Variants in MTCL1 observed in about 807,000 individuals in gnomAD.
MTCL1 encodes microtubule cross-linking factor 1.
Under a neutral mutation model 141.4 loss-of-function variants are expected in MTCL1, and 79 were observed. The observed-to-expected ratio is 0.56, with a 90% CI of 0.47 to 0.67. The LOEUF is 0.67. MTCL1 is among the 30% of genes least tolerant of loss of function. The probability of loss-of-function intolerance (pLI) is 0.00; values close to 1 mark genes in which losing one functional copy is unlikely to be tolerated. For synonymous variants in MTCL1, 914 were observed against 875.8 expected, an observed-to-expected ratio of 1.04 and a Z score of -0.77; for missense variants, 2,177 against 2,113.9, an observed-to-expected ratio of 1.03 and a Z score of -0.59.
chr18:8,801,429 CT>C (rs777802521), intron 10 of MTCL1, among the ~76,000 whole-genome samples: 1 of 152,070 alleles, frequency 6.6e-6, no homozygotes, highest in East Asian at 1.9e-4. Flanking sequence ...GAGGCCTCCC[CT>C]ATAAGGCGTG....
At chr18:8,788,422 A>C (rs2075597976) in intron 7 of MTCL1, among the ~76,000 whole-genome samples, 1 of 152,200 alleles carries the variant, frequency 6.6e-6, no homozygotes, top group Admixed American at 6.5e-5. Context: ...TCCAAATTTA[A>C]GCAGAAAAAG....
intron 7 of MTCL1, among the ~76,000 whole-genome samples, chr18:8,792,641 C>T (rs1250447488): frequency 1.4e-4 from 22 of 152,224 alleles, no homozygotes; most frequent in African/African-American, 1.7e-4. Flanking sequence ...CGGTCATAGT[C>T]GGCTCTGACC....
intron 4 of MTCL1, among the ~76,000 whole-genome samples, chr18:8,775,679 C>T (rs1259631359): frequency 1.3e-5 from 2 of 152,136 alleles, no homozygotes; most frequent in African/African-American, 4.8e-5. Context: ...TTAAGACAGG[C>T]TTACCTTTAC....
At chr18:8,725,603 G>A (rs9964461) in intron 4 of MTCL1, among the ~76,000 whole-genome samples, 61,819 of 151,804 alleles carry the variant, frequency 0.41, 13,491 homozygotes, top group Admixed American at 0.54. Context: ...TTATAAGATT[G>A]ATTTATAGTT....
In MTCL1 at chr18:8,785,296, GGT is replaced by G. The variant is rs531553413; in HGVS notation, c.1731+458_1731+459del. Among the ~76,000 whole-genome samples, 24 of 152,292 alleles carry G rather than the reference GGT, an allele frequency of 1.6e-4. No individual in the cohort carries two copies. The South Asian group carries it at 3.7e-3, about 24-fold the overall frequency. ...TCGCTAACGAGCACGTCCCTTCCTGGGTGTGTTTCAAGGGACACAGTGCAGTC... is the reference window on the plus strand; with the variant it reads ...TCGCTAACGAGCACGTCCCTTCCTGGGTGTTTCAAGGGACACAGTGCAGTC... On this transcript the variant is annotated intron_variant, in intron 6 of 16. Coordinates refer to ENST00000359865, the Ensembl canonical transcript of MTCL1.
At chr18:8,763,049 C>T (rs2096440988) in intron 4 of MTCL1, among the ~76,000 whole-genome samples, 1 of 152,160 alleles carries the variant, frequency 6.6e-6, no homozygotes, top group Non-Finnish European at 1.5e-5. Context: ...GCTGAAATGA[C>T]CTGCCAGCTG....
At chr18:8,787,165 G>A (rs1019844000) in intron 7 of MTCL1, 2 of 152,282 alleles carry the variant, frequency 1.3e-5, no homozygotes, top group Non-Finnish European at 2.9e-5. Flanking sequence ...TTCAGAAACT[G>A]GGAGTGATTT....
At chr18:8,813,173 G>A (rs752494622) in exon 12 of MTCL1, 11 of 1,613,808 alleles carry the variant, frequency 6.8e-6, no homozygotes, top group Non-Finnish European at 9.3e-6. Flanking sequence ...TCGACCGCCT[G>A]GACAGAGATC....
At chr18:8,792,864 T>C in intron 7 of MTCL1, 134 bp from the exon 7 acceptor site, 1 of 1,271,090 alleles carries the variant, frequency 7.9e-7, no homozygotes, top group Non-Finnish European at 1.1e-6. Context: ...CCACAGTCAC[T>C]CCACTGCTGC....
chr18:8,714,827 C>G (rs1230680495), upstream of MTCL1, among the ~76,000 whole-genome samples: 2 of 151,730 alleles, frequency 1.3e-5, no homozygotes, highest in African/African-American at 4.9e-5. Context: ...GGTGGAGTCT[C>G]ACTCCATCGC....
chr18:8,823,075 T>C (rs2076899048), intron 14 of MTCL1, among the ~76,000 whole-genome samples: 1 of 151,654 alleles, frequency 6.6e-6, no homozygotes, highest in African/African-American at 2.4e-5. Flanking sequence ...ATATCCAAAG[T>C]GGAAACTGGA....
At chr18:8,826,005 G>A (rs767596334) in exon 15 of MTCL1, 2 of 1,605,150 alleles carry the variant, frequency 1.2e-6, no homozygotes, top group South Asian at 1.1e-5. Flanking sequence ...CCCCATTGGG[G>A]TGGGGTCAGA....
At position 8,829,404 on chromosome 18, in the gene MTCL1, G is replaced by C. The variant is rs980363771; in HGVS notation, c.*18+440G>C. The C allele has an allele frequency of 8.1e-6, 8 of 984,874 alleles. No homozygotes were observed. In the Admixed American group the frequency reaches 3.7e-4, roughly 45 times the overall value. 61.0% of individuals were successfully genotyped at this position (984,874 alleles called of 1,614,324 possible). A position where few individuals can be genotyped will look rare whatever the true frequency, so the allele number is the denominator to read the frequency against. ...TGAGGTGTGACCCTAATGTGATAAG[G>C]CTTTTGTTTTTCATTTTTCAACAAC... On this transcript the variant is annotated intron_variant, in intron 16 of 16. Transcript: ENST00000359865.
At chr18:8,821,285 G>A (rs148654210) in intron 13 of MTCL1, among the ~76,000 whole-genome samples, 182 bp from the exon 13 acceptor site, 81 of 152,258 alleles carry the variant, frequency 5.3e-4, no homozygotes, top group Admixed American at 9.2e-4. Flanking sequence ...CTGTGGACTC[G>A]CTTTGATGAT....
chr18:8,767,814 A>G (rs1323497282), intron 4 of MTCL1, among the ~76,000 whole-genome samples: 2 of 152,210 alleles, frequency 1.3e-5, no homozygotes, highest in African/African-American at 4.8e-5. Context: ...TCTATAAACA[A>G]AAACATAAAG....
At chr18:8,718,564 G>A (rs1161056274) in exon 3 of MTCL1, 11 of 1,614,124 alleles carry the variant, frequency 6.8e-6, no homozygotes, top group Non-Finnish European at 9.3e-6. Flanking sequence ...ACCGTCTTCG[G>A]AAAGCCGAGC....
chr18:8,809,159 C>T (rs959046158), intron 11 of MTCL1, among the ~76,000 whole-genome samples: 3 of 152,110 alleles, frequency 2.0e-5, no homozygotes, highest in African/African-American at 7.2e-5. Context: ...GTTTAGATTC[C>T]CTTTTTCAAA....
chr18:8,785,905 C>T, intron 6 of MTCL1, 31 bp from the exon 6 acceptor site: 1 of 1,540,338 alleles, frequency 6.5e-7, no homozygotes, highest in Non-Finnish European at 8.7e-7. Flanking sequence ...TAAAGAACAA[C>T]AACAACAAAT....
chr18:8,812,424 G>A (rs185066254), intron 11 of MTCL1, among the ~76,000 whole-genome samples: 9 of 152,202 alleles, frequency 5.9e-5, no homozygotes, highest in African/African-American at 2.2e-4. Context: ...ATCATCTTCT[G>A]ACTTGCAAAG....
Sources: gnomAD v4.1 joint callset for allele counts (sites outside exome capture counted in the v4.1 genomes callset) on GRCh38, gnomAD v4.1.1 for gene constraint, MANE v1.5 for transcripts, NCBI Gene and HGNC (gene_info 2026-07-23, HGNC 2026-07-21) for gene names.